The following ACOXL variants were observed in gnomAD, a reference collection of about 807,000 sequenced individuals.
ACOXL encodes the protein acyl-coenzyme A oxidase-like protein.
A neutral mutation model predicts 71.9 loss-of-function variants in ACOXL; 70 were observed. The observed-to-expected ratio is 0.97, with a 90% CI of 0.80 to 1.19. ACOXL has a LOEUF of 1.19. ACOXL is among the 50% of genes most tolerant of loss of function. The pLI is 0.00. For synonymous variants in ACOXL, 253 were observed against 281.6 expected (o/e 0.90, Z 1.02); for missense variants, 703 against 736.3 (o/e 0.95, Z 0.52).
At chr2:110,887,051 C>T (rs1697385858) in intron 10 of ACOXL, 4 of 591,860 alleles carry the variant, frequency 6.8e-6, no homozygotes, top group African/African-American at 5.6e-5. Flanking sequence ...GTCCACGGGT[C>T]TGCTGTGTAT....
chr2:110,761,391 A>G (rs1240048330), intron 1 of ACOXL, among the ~76,000 whole-genome samples: 1 of 152,192 alleles, frequency 6.6e-6, no homozygotes, highest in Admixed American at 6.5e-5. Context: ...TTCTCCTTTG[A>G]ATTGTCATTG....
At chr2:111,059,519 C>T (rs1248047966) in intron 16 of ACOXL, among the ~76,000 whole-genome samples, 1 of 152,154 alleles carries the variant, frequency 6.6e-6, no homozygotes, top group Non-Finnish European at 1.5e-5. Context: ...GCACATTTTT[C>T]CCAGGAAGAT....
chr2:111,063,356 T>C (rs1460592024), intron 16 of ACOXL, among the ~76,000 whole-genome samples: 1 of 152,082 alleles, frequency 6.6e-6, no homozygotes, highest in Non-Finnish European at 1.5e-5. Flanking sequence ...CTTATAAACA[T>C]AGACATAAAA....
chr2:110,934,695 G>T (rs1255303420), intron 12 of ACOXL, among the ~76,000 whole-genome samples: 3 of 152,270 alleles, frequency 2.0e-5, no homozygotes, highest in Admixed American at 6.5e-5. Flanking sequence ...CAGAGCTGCG[G>T]GCACAGCCTG....
chr2:110,940,279 G>T (rs1386699465), intron 12 of ACOXL, among the ~76,000 whole-genome samples: 1 of 152,158 alleles, frequency 6.6e-6, no homozygotes, highest in Non-Finnish European at 1.5e-5. Flanking sequence ...AACAGAAAGG[G>T]TCTTGCTATA....
At chr2:110,735,091 T>A (rs1052246728) in intron 1 of ACOXL, among the ~76,000 whole-genome samples, 2 of 152,240 alleles carry the variant, frequency 1.3e-5, no homozygotes, top group Non-Finnish European at 2.9e-5. Flanking sequence ...CTTGTTTATT[T>A]ACTTTATAGT....
At chr2:111,059,198 C>A (rs2066688426) in intron 16 of ACOXL, among the ~76,000 whole-genome samples, 1 of 152,194 alleles carries the variant, frequency 6.6e-6, no homozygotes, top group Admixed American at 6.5e-5. Flanking sequence ...GATTGAACCA[C>A]TGTACTCTAG....
At chr2:111,100,348 T>C (rs528627981) in intron 17 of ACOXL, 1 of 152,770 alleles carries the variant, frequency 6.5e-6, no homozygotes, top group South Asian at 2.1e-4. Context: ...AGGCAGGCTG[T>C]GTAACCCACG....
At chr2:110,753,702 G>T (rs905573530) in intron 1 of ACOXL, among the ~76,000 whole-genome samples, 1 of 152,134 alleles carries the variant, frequency 6.6e-6, no homozygotes, top group Non-Finnish European at 1.5e-5. Flanking sequence ...ATTTGTGTGG[G>T]CATGTAATTT....
At chr2:110,761,839 C>T (rs958657650) in intron 1 of ACOXL, among the ~76,000 whole-genome samples, 4 of 152,188 alleles carry the variant, frequency 2.6e-5, no homozygotes, top group African/African-American at 9.7e-5. Context: ...TTTAGGTGTT[C>T]TCTCTCAGCC....
At chr2:110,733,439 C>T (rs1254601955) in intron 1 of ACOXL, among the ~76,000 whole-genome samples, 1 of 152,124 alleles carries the variant, frequency 6.6e-6, no homozygotes, top group South Asian at 2.1e-4. Flanking sequence ...ACAGTCAGGA[C>T]CAGAACTCGG....
intron 9 of ACOXL, among the ~76,000 whole-genome samples, chr2:110,829,316 G>T (rs1036751763): frequency 6.6e-6 from 1 of 152,118 alleles, no homozygotes; most frequent in Admixed American, 6.5e-5. Flanking sequence ...TGGTGAGTTC[G>T]TTGGGTCCAG....
chr2:110,813,878 G>A (rs558823448), intron 9 of ACOXL, among the ~76,000 whole-genome samples: 10 of 152,284 alleles, frequency 6.6e-5, no homozygotes, highest in Admixed American at 4.6e-4. Context: ...GCTGAGTGCT[G>A]TCCTGATTCC....
intron 9 of ACOXL, among the ~76,000 whole-genome samples, chr2:110,818,421 ATATG>A (rs1688191239): frequency 7.0e-6 from 1 of 142,512 alleles, no homozygotes; most frequent in East Asian, 2.0e-4. Flanking sequence ...ATATATATAT[ATATG>A]TGTGTGTGTG....
At chr2:110,802,618 G>C (rs1356389124) in intron 8 of ACOXL, among the ~76,000 whole-genome samples, 1 of 152,022 alleles carries the variant, frequency 6.6e-6, no homozygotes, top group Admixed American at 6.5e-5. Context: ...CATGACACAA[G>C]TTTACCTATG....
At chr2:110,913,373 A>G (rs1239171032) in intron 11 of ACOXL, among the ~76,000 whole-genome samples, 1 of 152,224 alleles carries the variant, frequency 6.6e-6, no homozygotes, top group Non-Finnish European at 1.5e-5. Flanking sequence ...AGATTGACAA[A>G]TGGGTAAACA....
At chr2:110,891,766 GAA>G (rs1264510876) in intron 10 of ACOXL, among the ~76,000 whole-genome samples, 1 of 152,108 alleles carries the variant, frequency 6.6e-6, no homozygotes, top group Non-Finnish European at 1.5e-5. Context: ...AACTAGGCAT[GAA>G]ATTGGGTTTT....
At chr2:110,784,908 A>G (rs1029047319) in intron 3 of ACOXL, 93 bp downstream of exon 3, 1 of 1,146,732 alleles carries the variant, frequency 8.7e-7, no homozygotes, top group South Asian at 1.8e-5. Flanking sequence ...CTCTCAGTCT[A>G]TGTAGTGGCA....
chr2:110,784,091 T>C (rs1683654932), intron 2 of ACOXL, among the ~76,000 whole-genome samples: 1 of 152,088 alleles, frequency 6.6e-6, no homozygotes, highest in African/African-American at 2.4e-5. Flanking sequence ...GTGTCCAGGG[T>C]GCTCCCAGAC....
Sources: allele counts gnomAD v4.1 joint callset (sites outside exome capture counted in the v4.1 genomes callset), GRCh38; gene constraint gnomAD v4.1.1; transcripts MANE v1.5; gene names NCBI Gene and HGNC (gene_info 2026-07-23, HGNC 2026-07-21).